TEAD1: variants seen among roughly 807,000 people sequenced by gnomAD.
TEAD1 encodes TEA domain transcription factor 1.
A neutral mutation model predicts 54.9 loss-of-function variants in TEAD1; 9 were observed. The ratio of observed to expected loss-of-function variants is 0.16; its 90% CI spans 0.10 to 0.29. The LOEUF (loss-of-function observed/expected upper bound fraction) is 0.29, where lower values mean the gene tolerates loss of function less well. Ranked by LOEUF, TEAD1 falls within the 10% of genes least tolerant of loss-of-function variation. The probability of loss-of-function intolerance (pLI) is 1.00; values close to 1 mark genes in which losing one functional copy is unlikely to be tolerated. For missense variants in TEAD1, 387 were observed against 535.9 expected (o/e 0.72, Z 2.74); for synonymous variants, 200 against 187.8 (o/e 1.07, Z -0.53).
intron 9 of TEAD1, among the ~76,000 whole-genome samples, chr11:12,891,492 G>A (rs1483257592): frequency 6.6e-6 from 1 of 152,236 alleles, no homozygotes; most frequent in Non-Finnish European, 1.5e-5. Flanking sequence ...TTAATGAGCT[G>A]TGAGAAGAGG....
intron 3 of TEAD1, among the ~76,000 whole-genome samples, chr11:12,769,294 G>T (rs138588425): frequency 5.3e-4 from 80 of 152,308 alleles, no homozygotes; most frequent in African/African-American, 1.8e-3. Flanking sequence ...CACCAGGACA[G>T]CATAGGACTT....
intron 2 of TEAD1, among the ~76,000 whole-genome samples, chr11:12,719,419 C>T (rs1336342241): frequency 6.6e-6 from 1 of 152,110 alleles, no homozygotes; most frequent in Non-Finnish European, 1.5e-5. Context: ...CCCGCTTTTG[C>T]TCCACCTCAT....
chr11:12,829,440 G>C (rs1946726738), intron 3 of TEAD1, among the ~76,000 whole-genome samples: 1 of 152,182 alleles, frequency 6.6e-6, no homozygotes, highest in Non-Finnish European at 1.5e-5. Flanking sequence ...GGTTTCTCCT[G>C]ACCAGTTAGT....
chr11:12,732,618 C>T (rs951111520), intron 2 of TEAD1, among the ~76,000 whole-genome samples: 7 of 152,278 alleles, frequency 4.6e-5, no homozygotes, highest in South Asian at 2.1e-4. Context: ...ACTCAGTTGA[C>T]TGGAGGCTTG....
intron 2 of TEAD1, among the ~76,000 whole-genome samples, chr11:12,730,034 C>G (rs895937492): frequency 2.6e-5 from 4 of 151,934 alleles, no homozygotes; most frequent in African/African-American, 9.7e-5. Flanking sequence ...ACATAGGTGA[C>G]CACAACTTCC....
In TEAD1 at chr11:12,842,414, C is replaced by T. The variant is rs377006193; in HGVS notation, c.203-19836C>T. Among the ~76,000 whole-genome samples, 124 of 152,286 alleles carry T rather than the reference C, an allele frequency of 8.1e-4. 1 individual carries two copies. In the East Asian group the frequency reaches 0.021, roughly 26 times the overall value. On this transcript the variant is annotated intron_variant, in intron 3 of 12. Coordinates refer to ENST00000527636, the MANE Select transcript of TEAD1 (RefSeq NM_021961.6). ...AAATCTTTGGCAGTTGTGCACTAAG[C>T]TTGCGGGAGTTAGGAGTCTGTTGCC...
At chr11:12,688,959 T>C (rs1943395129) in intron 2 of TEAD1, among the ~76,000 whole-genome samples, 1 of 152,158 alleles carries the variant, frequency 6.6e-6, no homozygotes. Flanking sequence ...GGTTTAGTTT[T>C]AAGCTTTGCC....
chr11:12,876,387 TAG>T (rs1947855162), intron 5 of TEAD1, among the ~76,000 whole-genome samples: 1 of 152,178 alleles, frequency 6.6e-6, no homozygotes, highest in Non-Finnish European at 1.5e-5. Flanking sequence ...GACCTGGACT[TAG>T]AATTCATGAG....
intron 12 of TEAD1, 82 bp from the exon 13 acceptor site, chr11:12,937,027 C>A: frequency 1.1e-6 from 1 of 947,782 alleles, no homozygotes; most frequent in Non-Finnish European, 1.7e-6. Flanking sequence ...TTGTTCTTCT[C>A]CAATTAAGTC....
At chr11:12,873,144 C>T (rs1947787716) in intron 5 of TEAD1, among the ~76,000 whole-genome samples, 2 of 152,174 alleles carry the variant, frequency 1.3e-5, no homozygotes, top group African/African-American at 4.8e-5. Flanking sequence ...CTCCACTGAG[C>T]CCTCTTCATT....
chr11:12,700,660 C>T (rs1316162134), intron 2 of TEAD1, among the ~76,000 whole-genome samples: 1 of 151,912 alleles, frequency 6.6e-6, no homozygotes, highest in Non-Finnish European at 1.5e-5. Context: ...ATTTATTTTC[C>T]CTCACCGTGG....
intron 9 of TEAD1, among the ~76,000 whole-genome samples, chr11:12,895,580 G>A (rs1948299299): frequency 2.0e-5 from 3 of 152,156 alleles, no homozygotes; most frequent in Non-Finnish European, 4.4e-5. Flanking sequence ...CTGAAGTAAT[G>A]TTTTTTGCTT....
intron 2 of TEAD1, among the ~76,000 whole-genome samples, chr11:12,713,963 T>C (rs959073814): frequency 1.4e-4 from 22 of 152,222 alleles, no homozygotes; most frequent in Non-Finnish European, 2.5e-4. Context: ...TGCCTCACTT[T>C]GATGAATGGC....
chr11:12,881,383 T>C (rs1947963374), intron 7 of TEAD1, among the ~76,000 whole-genome samples: 1 of 152,142 alleles, frequency 6.6e-6, no homozygotes, highest in South Asian at 2.1e-4. Flanking sequence ...CAGGTGATCC[T>C]CTAGCCCATT....
At chr11:12,694,533 T>A (rs752091794) in intron 2 of TEAD1, among the ~76,000 whole-genome samples, 1 of 152,196 alleles carries the variant, frequency 6.6e-6, no homozygotes, top group Non-Finnish European at 1.5e-5. Flanking sequence ...ATGTTGGGTC[T>A]GCTGTGACTC....
intron 3 of TEAD1, among the ~76,000 whole-genome samples, chr11:12,851,417 G>C (rs2134051265): frequency 6.6e-6 from 1 of 152,258 alleles, no homozygotes; most frequent in Middle Eastern, 3.4e-3. Flanking sequence ...ATGTTAATCT[G>C]TTTCACTATG....
chr11:12,807,137 C>T (rs1946190548), intron 3 of TEAD1, among the ~76,000 whole-genome samples: 1 of 152,182 alleles, frequency 6.6e-6, no homozygotes, highest in Non-Finnish European at 1.5e-5. Flanking sequence ...GAAAGCTCTC[C>T]CTTTTTGCAA....
At chr11:12,833,221 T>TGTA (rs1946817609) in intron 3 of TEAD1, among the ~76,000 whole-genome samples, 1 of 152,162 alleles carries the variant, frequency 6.6e-6, no homozygotes, top group African/African-American at 2.4e-5. Flanking sequence ...GTGAGATAAA[T>TGTA]GTAGTAAGGA....
intron 2 of TEAD1, among the ~76,000 whole-genome samples, chr11:12,754,723 A>G (rs1944950942): frequency 1.3e-5 from 2 of 152,222 alleles, no homozygotes; most frequent in South Asian, 4.1e-4. Flanking sequence ...TTGAAGGACC[A>G]GAGCAGGGCT....
Sources: gnomAD v4.1 joint callset for allele counts (sites outside exome capture counted in the v4.1 genomes callset) on GRCh38, gnomAD v4.1.1 for gene constraint, MANE v1.5 for transcripts, NCBI Gene and HGNC (gene_info 2026-07-23, HGNC 2026-07-21) for gene names.